Variants in NOSIP observed in about 807,000 individuals in gnomAD.
NOSIP encodes the protein nitric oxide synthase interacting protein.
A neutral mutation model predicts 36.4 loss-of-function variants in NOSIP; 25 were observed. The ratio of observed to expected loss-of-function variants is 0.69; its 90% CI spans 0.50 to 0.96. The LOEUF (loss-of-function observed/expected upper bound fraction) is 0.96, where lower values mean the gene tolerates loss of function less well. Among genes scored for constraint, NOSIP ranks in the 40% least tolerant of loss-of-function variants. The pLI is 0.00. For missense variants in NOSIP, 370 were observed against 429.0 expected, an observed-to-expected ratio of 0.86 and a Z score of 1.21; for synonymous variants, 187 against 179.2, an observed-to-expected ratio of 1.04 and a Z score of -0.35.
intron 1 of NOSIP, among the ~76,000 whole-genome samples, chr19:49,577,798 A>C (rs1158003022): frequency 6.6e-6 from 1 of 151,202 alleles, no homozygotes; most frequent in African/African-American, 2.4e-5. Flanking sequence ...GTATTGATAC[A>C]TGCCACAACA....
At chr19:49,564,621 C>T (rs2080382207) in intron 1 of NOSIP, among the ~76,000 whole-genome samples, 1 of 152,062 alleles carries the variant, frequency 6.6e-6, no homozygotes, top group Admixed American at 6.6e-5. Context: ...CTTTGGAAAG[C>T]AACTGTCAGT....
intron 1 of NOSIP, among the ~76,000 whole-genome samples, chr19:49,573,121 GCA>G (rs1305404127): frequency 7.9e-5 from 12 of 152,128 alleles, no homozygotes; most frequent in African/African-American, 2.9e-4. Flanking sequence ...ATGAAGAGAG[GCA>G]CAGAGGCGGT....
intron 1 of NOSIP, chr19:49,566,808 C>CATATATATATATATATATATATATATAT (rs1568407436): frequency 8.0e-6 from 1 of 124,420 alleles, no homozygotes; most frequent in African/African-American, 3.3e-5. Flanking sequence ...TATATATATA[C>CATATATATATATATATATATATATATAT]ACACATACTA....
At chr19:49,564,245 G>T (rs1053023012) in intron 1 of NOSIP, among the ~76,000 whole-genome samples, 2 of 152,002 alleles carry the variant, frequency 1.3e-5, no homozygotes, top group African/African-American at 4.8e-5. Flanking sequence ...TTGAGGTCAG[G>T]AGTTCAAGTC....
intron 1 of NOSIP, among the ~76,000 whole-genome samples, chr19:49,578,158 C>T (rs1784532654): frequency 1.3e-5 from 2 of 151,508 alleles, no homozygotes. Flanking sequence ...GAGTTATGCT[C>T]TTTTGCCCAG....
chr19:49,558,536 GGTGT>G, intron 4 of NOSIP: 1 of 187,948 alleles, frequency 5.3e-6, no homozygotes, highest in East Asian at 1.3e-4. Context: ...TGGGATTACA[GGTGT>G]GAGCCACCAC....
At chr19:49,564,510 C>T (rs868239702) in intron 1 of NOSIP, among the ~76,000 whole-genome samples, 14 of 150,136 alleles carry the variant, frequency 9.3e-5, no homozygotes, top group African/African-American at 2.0e-4. Flanking sequence ...CCTCCCCACA[C>T]GCACCACAAG....
In NOSIP at chr19:49,555,790, C is replaced by T. The variant is rs747640817; in HGVS notation, c.867G>A (p.Lys289=). ...GGTGFAGSGV[K]LQAEKSRPVM... is the part of the protein sequence containing the mutation. ...CCGGCCGTGATTTCTCCGCTTGCAG[C>T]TTCACTCCGGAGCCCGCGAAGCCGG... Residue 289 remains lysine (K), a synonymous_variant, in exon 9 of 9, where the codon AAG becomes AAA. Coordinates refer to ENST00000596358, the MANE Select transcript of NOSIP (RefSeq NM_001270960.2). 2 of 1,613,574 alleles carry T rather than the reference C, an allele frequency of 1.2e-6. No individual in the cohort carries two copies. Among genetic ancestry groups the T allele is most frequent in the South Asian group, 1.1e-5 (1 of 91,082 alleles).
intron 8 of NOSIP, 85 bp downstream of exon 8, chr19:49,556,232 G>A (rs2122769613): frequency 1.5e-6 from 1 of 663,720 alleles, no homozygotes; most frequent in South Asian, 1.6e-5. Flanking sequence ...GTTGGGGGAA[G>A]GGGAGGGGAC....
chr19:49,559,183 A>T, intron 3 of NOSIP: 2 of 581,892 alleles, frequency 3.4e-6, no homozygotes, highest in Non-Finnish European at 6.2e-6. Context: ...GCAAAGGAAA[A>T]AGGCACATGG....
At chr19:49,564,492 T>C (rs1356454752) in intron 1 of NOSIP, among the ~76,000 whole-genome samples, 3 of 148,520 alleles carry the variant, frequency 2.0e-5, no homozygotes, top group East Asian at 2.0e-4. Context: ...TAAAACTTCA[T>C]TGAGATACCT....
At chr19:49,556,010 G>A (rs79903573) in intron 8 of NOSIP, among the ~76,000 whole-genome samples, 188 bp from the exon 9 acceptor site, 14,360 of 146,616 alleles carry the variant, frequency 0.098, 2,032 homozygotes, top group African/African-American at 0.3. Context: ...GCAGAGAAGA[G>A]GGTAGAGAGT....
chr19:49,567,108 GC>G (rs1305622677), intron 1 of NOSIP, among the ~76,000 whole-genome samples: 8 of 143,254 alleles, frequency 5.6e-5, no homozygotes, highest in Non-Finnish European at 1.1e-4. Context: ...GAGCCACCGT[GC>G]CCAGCCAAAA....
At chr19:49,576,144 A>G (rs1288994155) in intron 1 of NOSIP, among the ~76,000 whole-genome samples, 1 of 152,074 alleles carries the variant, frequency 6.6e-6, no homozygotes, top group African/African-American at 2.4e-5. Flanking sequence ...TATAAAAAAA[A>G]AATGTTAAAA....
At chr19:49,575,379 C>T (rs2080538510) in intron 1 of NOSIP, among the ~76,000 whole-genome samples, 1 of 152,152 alleles carries the variant, frequency 6.6e-6, no homozygotes, top group Non-Finnish European at 1.5e-5. Flanking sequence ...GGCCCTACCT[C>T]CAAATATAAT....
Position 49,572,303 on chromosome 19 carries a change from C to T in NOSIP, c.-2+8212G>A, listed in dbSNP as rs545649258. On this transcript the variant is annotated intron_variant, in intron 1 of 8. Coordinates refer to ENST00000596358, the MANE Select transcript of NOSIP (RefSeq NM_001270960.2). ...TGTATTTTTAGTAGAGATGGGGTTT[C>T]GCCATGTTGGGCAGGCTGGTCTCGA... 1.7e-3 allele frequency among the ~76,000 whole-genome samples: 248 copies of T among 150,178 alleles called. 1 individual carries two copies. The highest frequency in any genetic ancestry group is 8.4e-3 in the South Asian group (40 of 4,754).
intron 1 of NOSIP, among the ~76,000 whole-genome samples, chr19:49,580,256 C>A (rs1037688186): frequency 8.6e-5 from 13 of 151,780 alleles, no homozygotes; most frequent in Non-Finnish European, 1.5e-4. Flanking sequence ...GGAGAACTGG[C>A]CGATGCTAGC....
At chr19:49,567,898 G>A (rs1188860534) in intron 1 of NOSIP, among the ~76,000 whole-genome samples, 1 of 151,534 alleles carries the variant, frequency 6.6e-6, no homozygotes, top group African/African-American at 2.4e-5. Context: ...GGCTGATCTC[G>A]AACTCCTGAC....
In NOSIP at chr19:49,572,972, C is replaced by CAAA. The variant is rs5828405; in HGVS notation, c.-2+7540_-2+7542dup. Among the ~76,000 whole-genome samples the CAAA allele has an allele frequency of 1.5e-3, 91 of 60,662 alleles. 1 individual carries two copies. Among genetic ancestry groups the CAAA allele is most frequent in the African/African-American group, 3.9e-3 (61 of 15,624 alleles). The allele number at this position is 60,662 out of a possible 152,430, so 39.8% of individuals were successfully genotyped here. A position where few individuals can be genotyped will look rare whatever the true frequency, so the allele number is the denominator to read the frequency against. The stretch of plus-strand genomic sequence containing the variant: ...TGGCCAACAGATCAAGACTGTGTCT[C>CAAA]AAAAAAAAAAAAAAAAAAAAAGCCC... On this transcript the variant is annotated intron_variant, in intron 1 of 8. Transcript: ENST00000596358.
Sources: gnomAD v4.1 joint callset for allele counts (sites outside exome capture counted in the v4.1 genomes callset) on GRCh38, gnomAD v4.1.1 for gene constraint, MANE v1.5 for transcripts, NCBI Gene and HGNC (gene_info 2026-07-23, HGNC 2026-07-21) for gene names.